Variants in RLN2 observed in about 807,000 individuals in gnomAD.
RLN2 encodes the protein prorelaxin H2.
A neutral mutation model predicts 7.3 loss-of-function variants in RLN2; 10 were observed. The ratio of observed to expected loss-of-function variants is 1.36; its 90% CI spans 0.84 to 2.31. The LOEUF (loss-of-function observed/expected upper bound fraction) is 2.31. Ranked by LOEUF, RLN2 falls within the 30% of genes most tolerant of loss-of-function variation. RLN2 has a pLI of 0.00. For synonymous variants in RLN2, 103 were observed against 82.3 expected, an observed-to-expected ratio of 1.25 and a Z score of -1.36; for missense variants, 298 against 217.6, an observed-to-expected ratio of 1.37 and a Z score of -2.32.
At chr9:5,336,128 AAT>A in the RLN2 span, among the ~76,000 whole-genome samples, 95 of 152,144 alleles carry the variant, frequency 6.2e-4, 1 homozygote, top group African/African-American at 2.0e-3. Context: ...CAACACCTGT[AAT>A]CTAATCAGCA....
At chr9:5,305,004 G>C (rs999588305), upstream of RLN2, 1 of 170,566 alleles carries the variant, frequency 5.9e-6, no homozygotes, top group African/African-American at 2.4e-5. Context: ...GTTTTCTAGA[G>C]TGAACATTTG....
At chr9:5,301,849 T>C (rs747798954) in intron 1 of RLN2, among the ~76,000 whole-genome samples, 18 of 151,828 alleles carry the variant, frequency 1.2e-4, no homozygotes, top group Non-Finnish European at 1.3e-4. Flanking sequence ...AAAAACAAAC[T>C]GTAGTATTTC....
At chr9:5,336,897 G>T in the RLN2 span, among the ~76,000 whole-genome samples, 1 of 151,968 alleles carries the variant, frequency 6.6e-6, no homozygotes, top group Non-Finnish European at 1.5e-5. Flanking sequence ...TAGTTCTGGG[G>T]CTGATCATTT....
chr9:5,304,837 G>C, upstream of RLN2: 2 of 534,088 alleles, frequency 3.7e-6, no homozygotes, highest in Non-Finnish European at 6.7e-6. Flanking sequence ...TCCTTCATTT[G>C]CCCATCCCTC....
At chr9:5,306,110 T>G (rs1192385681), upstream of RLN2, among the ~76,000 whole-genome samples, 25 of 85,268 alleles carry the variant, frequency 2.9e-4, 3 homozygotes, top group South Asian at 7.3e-3. Context: ...TTGTTTTTTG[T>G]TTTTTTTTTT....
the RLN2 span, among the ~76,000 whole-genome samples, chr9:5,327,076 T>C: frequency 6.6e-6 from 1 of 151,948 alleles, no homozygotes; most frequent in African/African-American, 2.4e-5. Context: ...GAGGGTGAGC[T>C]GAAGCAGGGC....
chr9:5,315,962 G>A, the RLN2 span, among the ~76,000 whole-genome samples: 11 of 152,140 alleles, frequency 7.2e-5, no homozygotes, highest in African/African-American at 2.7e-4. Context: ...GAGTCTTCAA[G>A]TGGAAATAAA....
chr9:5,326,320 A>T, the RLN2 span, among the ~76,000 whole-genome samples: 93 of 152,210 alleles, frequency 6.1e-4, 2 homozygotes, highest in Admixed American at 4.8e-3. Flanking sequence ...TTTAGGCTAG[A>T]AGGGGAAGAA....
At chr9:5,333,588 G>A in the RLN2 span, among the ~76,000 whole-genome samples, 3 of 151,914 alleles carry the variant, frequency 2.0e-5, no homozygotes, top group Non-Finnish European at 4.4e-5. Context: ...TCTACCAGAA[G>A]TACAAAGAAG....
the RLN2 span, among the ~76,000 whole-genome samples, chr9:5,312,827 G>C: frequency 6.6e-6 from 1 of 150,860 alleles, no homozygotes; most frequent in Admixed American, 6.6e-5. Context: ...TTCCTTCTTT[G>C]ACCCATTGTT....
At chr9:5,308,721 C>A (rs1024998742), upstream of RLN2, among the ~76,000 whole-genome samples, 2 of 152,184 alleles carry the variant, frequency 1.3e-5, no homozygotes, top group South Asian at 4.2e-4. Flanking sequence ...ACTGGGATGG[C>A]CTCACATGGC....
chr9:5,330,421 G>A, the RLN2 span, among the ~76,000 whole-genome samples: 12 of 151,754 alleles, frequency 7.9e-5, 1 homozygote, highest in African/African-American at 2.7e-4. Flanking sequence ...GGCAGATCAC[G>A]AGGTCAGGAG....
chr9:5,305,514 T>C (rs1462846543), upstream of RLN2, among the ~76,000 whole-genome samples: 1 of 151,934 alleles, frequency 6.6e-6, no homozygotes, highest in Admixed American at 6.6e-5. Flanking sequence ...GTTTGTTTAC[T>C]GTATTTTGTG....
At chr9:5,336,731 C>A in the RLN2 span, among the ~76,000 whole-genome samples, 1 of 151,964 alleles carries the variant, frequency 6.6e-6, no homozygotes, top group Non-Finnish European at 1.5e-5. Context: ...TGCTCTTCTT[C>A]TTGGACAGGA....
intron 1 of RLN2, 193 bp downstream of exon 1, chr9:5,304,177 G>C: frequency 2.0e-6 from 1 of 493,104 alleles, no homozygotes; most frequent in Non-Finnish European, 3.4e-6. Context: ...TTCCCAGTGA[G>C]ACTGTTTGAA....
At position 5,304,654 on chromosome 9, in the gene RLN2, T is replaced by G; in HGVS notation, c.-74A>C. ...CTGCAGCTGCTGTGGCCTACACACC[T>G]GGGCCTGTGTGCCTGTCCCGGGCTT... On this transcript the variant is annotated 5_prime_UTR_variant, in exon 1 of 2. Transcript: ENST00000381627. 1 of 1,461,760 alleles carries G rather than the reference T, an allele frequency of 6.8e-7. No homozygotes were observed. Among genetic ancestry groups the G allele is most frequent in the Non-Finnish European group, 9.5e-7 (1 of 1,047,342 alleles). The allele number at this position is 1,461,760 out of a possible 1,614,324, so 90.5% of individuals were successfully genotyped here.
At chr9:5,334,088 C>T in the RLN2 span, among the ~76,000 whole-genome samples, 1 of 152,016 alleles carries the variant, frequency 6.6e-6, no homozygotes, top group Admixed American at 6.6e-5. Context: ...AAGCTGGAAG[C>T]ATTCCCCTTG....
At chr9:5,307,248 TA>T (rs1357093698), upstream of RLN2, among the ~76,000 whole-genome samples, 13 of 135,344 alleles carry the variant, frequency 9.6e-5, no homozygotes, top group South Asian at 2.6e-4. Context: ...AGGTGATAGA[TA>T]GATGATAGAT....
At chr9:5,315,905 G>A in the RLN2 span, among the ~76,000 whole-genome samples, 1 of 152,018 alleles carries the variant, frequency 6.6e-6, no homozygotes, top group African/African-American at 2.4e-5. Flanking sequence ...AAAAGAAGTT[G>A]AAGAAATTCA....
Sources: allele counts gnomAD v4.1 joint callset (sites outside exome capture counted in the v4.1 genomes callset), GRCh38; gene constraint gnomAD v4.1.1; transcripts MANE v1.5; gene names NCBI Gene and HGNC (gene_info 2026-07-23, HGNC 2026-07-21).